Variants in TET2 observed in about 807,000 individuals in gnomAD.
TET2 encodes the protein tet methylcytosine dioxygenase 2, also known as methylcytosine dioxygenase TET2.
Under a neutral mutation model 142.9 loss-of-function variants are expected in TET2, and 299 were observed. That is an observed-to-expected ratio of 2.09 (90% CI 1.90 to 2.30). The LOEUF is 2.30. Ranked by LOEUF, TET2 falls within the 30% of genes most tolerant of loss-of-function variation. The probability of loss-of-function intolerance (pLI) is 0.00; values close to 1 mark genes in which losing one functional copy is unlikely to be tolerated. For synonymous variants in TET2, 819 were observed against 849.0 expected (o/e 0.96, Z 0.61); for missense variants, 2,418 against 2,378.0 (o/e 1.02, Z -0.35).
intron 2 of TET2, among the ~76,000 whole-genome samples, chr4:105,221,533 G>A (rs1200438810): frequency 3.3e-5 from 5 of 151,988 alleles, no homozygotes; most frequent in Non-Finnish European, 7.4e-5. Flanking sequence ...GCCCTACTGA[G>A]GATTATGAAA....
intron 1 of TET2, among the ~76,000 whole-genome samples, chr4:105,172,035 A>T (rs1238159709): frequency 1.3e-5 from 2 of 152,166 alleles, no homozygotes; most frequent in African/African-American, 4.8e-5. Flanking sequence ...CTGTTTCTTC[A>T]TCTATAAAAT....
At position 105,237,079 on chromosome 4, in the gene TET2, T is replaced by C. The variant is rs1190336024; in HGVS notation, c.3137T>C (p.Leu1046Pro). The C allele has an allele frequency of 6.2e-7, 1 of 1,614,160 alleles. No individual in the cohort carries two copies. The highest frequency in any genetic ancestry group is 8.5e-7 in the Non-Finnish European group (1 of 1,180,016). Reference sequence around the variant, plus strand: ...AAGTCGTTATTTGACCATAAGGCTCTTACTCTCAAATCACAGAAGCAAGTA... The same window carrying C: ...AAGTCGTTATTTGACCATAAGGCTCCTACTCTCAAATCACAGAAGCAAGTA... Reference protein sequence around the residue: ...HAKSLFDHKALTLKSQKQVKV... With the variant: ...HAKSLFDHKAPTLKSQKQVKV... Residue 1046 changes from leucine to proline, a missense_variant, in exon 3 of 11, where the codon CTT becomes CCT. By Grantham distance (98) the Leu-to-Pro change is moderately conservative. Coordinates refer to ENST00000380013, the MANE Select transcript of TET2 (RefSeq NM_001127208.3).
intron 6 of TET2, among the ~76,000 whole-genome samples, 194 bp from the exon 7 acceptor site, chr4:105,259,425 T>C (rs1467847007): frequency 6.6e-6 from 1 of 152,204 alleles, no homozygotes; most frequent in African/African-American, 2.4e-5. Context: ...CACTTTTCTG[T>C]ATGTGTATTA....
At chr4:105,208,009 C>G (rs1036448791) in intron 2 of TET2, among the ~76,000 whole-genome samples, 1 of 152,108 alleles carries the variant, frequency 6.6e-6, no homozygotes, top group Non-Finnish European at 1.5e-5. Flanking sequence ...CATACAGGTA[C>G]AGATGACTAG....
chr4:105,174,270 C>A (rs137954250), intron 1 of TET2, among the ~76,000 whole-genome samples: 1 of 152,204 alleles, frequency 6.6e-6, no homozygotes, highest in African/African-American at 2.4e-5. Flanking sequence ...GCAAAACAAC[C>A]CTTTTTGAGA....
At chr4:105,197,628 C>G (rs969543237) in intron 2 of TET2, among the ~76,000 whole-genome samples, 1 of 152,172 alleles carries the variant, frequency 6.6e-6, no homozygotes, top group Non-Finnish European at 1.5e-5. Context: ...GACTTCTAAG[C>G]TTTAGGTTCC....
At chr4:105,157,258 G>A (rs1483548591) in intron 1 of TET2, among the ~76,000 whole-genome samples, 1 of 151,674 alleles carries the variant, frequency 6.6e-6, no homozygotes, top group Admixed American at 6.6e-5. Flanking sequence ...CCATAAATGG[G>A]TACCTTTCAA....
intron 2 of TET2, among the ~76,000 whole-genome samples, chr4:105,206,985 T>G (rs1726862634): frequency 6.6e-6 from 1 of 152,190 alleles, no homozygotes; most frequent in Non-Finnish European, 1.5e-5. Flanking sequence ...AAAACAAGTT[T>G]GGAGTAAACT....
intron 2 of TET2, among the ~76,000 whole-genome samples, chr4:105,209,450 G>T (rs1202285350): frequency 6.6e-6 from 1 of 151,902 alleles, no homozygotes; most frequent in Admixed American, 6.6e-5. Context: ...GTAGTCAGTG[G>T]GGTTGACTTC....
intron 7 of TET2, 148 bp downstream of exon 7, chr4:105,259,917 C>A: frequency 3.0e-6 from 2 of 674,818 alleles, no homozygotes; most frequent in Non-Finnish European, 4.4e-6. Context: ...TTTAAGTTGG[C>A]ATAATAATCA....
At chr4:105,259,516 G>A in intron 6 of TET2, 103 bp from the exon 7 acceptor site, 1 of 1,146,986 alleles carries the variant, frequency 8.7e-7, no homozygotes, top group Non-Finnish European at 1.2e-6. Context: ...AGTTAGATTA[G>A]ACTTCTTTTC....
intron 2 of TET2, among the ~76,000 whole-genome samples, chr4:105,209,229 G>A (rs1415017911): frequency 3.3e-5 from 5 of 151,164 alleles, no homozygotes; most frequent in African/African-American, 1.2e-4. Flanking sequence ...CTAAGTTTGA[G>A]TCTGATTAAT....
Position 105,277,096 on chromosome 4 carries a change from G to A in TET2, c.*577G>A, listed in dbSNP as rs968547333. 4.3e-6 allele frequency: 1 copy of A among 231,832 alleles called. No individual in the cohort carries two copies. The highest frequency in any genetic ancestry group is 6.1e-5 in the East Asian group (1 of 16,366). The allele number at this position is 231,832 out of a possible 1,614,324, so 14.4% of individuals were successfully genotyped here. On this transcript the variant is annotated 3_prime_UTR_variant, in exon 11 of 11. Coordinates refer to ENST00000380013, the MANE Select transcript of TET2 (RefSeq NM_001127208.3). ...TGAATAGCAGGAAAACACTGAATTTGTTTGGATGTTCTAAGAAATGGTGCT... is the reference window on the plus strand; with the variant it reads ...TGAATAGCAGGAAAACACTGAATTTATTTGGATGTTCTAAGAAATGGTGCT...
chr4:105,238,592 A>G (rs1729093979), intron 3 of TET2: 1 of 244,044 alleles, frequency 4.1e-6, no homozygotes, highest in African/African-American at 2.2e-5. Flanking sequence ...CTTCTTATCA[A>G]GTTTTTTCAT....
At chr4:105,241,892 A>G (rs930944146) in intron 4 of TET2, 18 of 1,246,532 alleles carry the variant, frequency 1.4e-5, no homozygotes, top group Non-Finnish European at 1.8e-5. Context: ...AAAGAGAGCA[A>G]GTGTGATATG....
chr4:105,192,203 T>TAA (rs758503316), intron 2 of TET2, among the ~76,000 whole-genome samples: 3 of 148,050 alleles, frequency 2.0e-5, no homozygotes, highest in Non-Finnish European at 3.0e-5. Flanking sequence ...TAAGATAACT[T>TAA]AAAAAAAAAA....
chr4:105,225,677 G>T (rs1051669696), intron 2 of TET2, among the ~76,000 whole-genome samples: 1 of 152,080 alleles, frequency 6.6e-6, no homozygotes, highest in African/African-American at 2.4e-5. Context: ...CACAGTTCAG[G>T]GCAGTAGAGG....
chr4:105,171,026 T>C (rs1724436664), intron 1 of TET2, among the ~76,000 whole-genome samples: 1 of 152,204 alleles, frequency 6.6e-6, no homozygotes. Context: ...GAAAATATCT[T>C]TTCTGGATTT....
intron 2 of TET2, among the ~76,000 whole-genome samples, chr4:105,211,435 AT>A (rs1288799676): frequency 2.0e-5 from 3 of 152,238 alleles, no homozygotes; most frequent in Non-Finnish European, 2.9e-5. Flanking sequence ...AGATAAATAA[AT>A]AAATAGATGA....
Sources: gnomAD v4.1 joint callset for allele counts (sites outside exome capture counted in the v4.1 genomes callset) on GRCh38, gnomAD v4.1.1 for gene constraint, MANE v1.5 for transcripts, NCBI Gene and HGNC (gene_info 2026-07-23, HGNC 2026-07-21) for gene names.